Variants in C5 observed in about 807,000 individuals in gnomAD.
The protein encoded by C5 is C3 and PZP-like alpha-2-macroglobulin domain-containing protein 4.
In C5, 140 loss-of-function variants were observed where a neutral mutation model predicts 218.8. The ratio of observed to expected loss-of-function variants is 0.64; its 90% CI spans 0.56 to 0.74. C5 has a LOEUF of 0.74. Among genes scored for constraint, C5 ranks in the 30% least tolerant of loss-of-function variants. The pLI is 0.00. For synonymous variants in C5, 614 were observed against 682.3 expected, an observed-to-expected ratio of 0.90 and a Z score of 1.56; for missense variants, 1,700 against 1,969.6, an observed-to-expected ratio of 0.86 and a Z score of 2.59.
At chr9:121,036,573 AT>A (rs200659597) in intron 4 of C5, among the ~76,000 whole-genome samples, 9 of 148,058 alleles carry the variant, frequency 6.1e-5, no homozygotes, top group African/African-American at 7.3e-5. Context: ...TACTAGCTTC[AT>A]TTTTTTTTAT....
Position 120,980,217 on chromosome 9 carries a change from A to C in C5, c.3524T>G (p.Leu1175Arg). The C allele has an allele frequency of 6.2e-7, 1 of 1,614,236 alleles. No individual in the cohort carries two copies. Among genetic ancestry groups the C allele is most frequent in the Non-Finnish European group, 8.5e-7 (1 of 1,180,044 alleles). The change falls in exon 28 of 41, where the codon CTG (leucine) becomes CGG (arginine). Residue 1175 changes from leucine to arginine, a missense_variant. Leu to Arg is a moderately radical substitution (Grantham distance 102). Transcript: ENST00000223642. The part of the protein sequence containing the change: ...DTALIKADNF[L>R]LENTLPAQST... ...CTGGGCTGGCAGTGTATTTTCAAGC[A>C]GAAAGTTGTCAGCTTTAATTAGAGC... is the stretch of plus-strand genomic sequence containing the variant.
the C5 span, among the ~76,000 whole-genome samples, chr9:121,067,431 G>A: frequency 8.6e-5 from 13 of 151,990 alleles, no homozygotes; most frequent in African/African-American, 3.1e-4. Flanking sequence ...GGGCGTGGTG[G>A]TGCGTGCCCA....
intron 12 of C5, among the ~76,000 whole-genome samples, chr9:121,018,710 A>AGG (rs1385877317): frequency 6.2e-5 from 9 of 144,130 alleles, no homozygotes; most frequent in African/African-American, 1.0e-4. Flanking sequence ...GAAAGAAAGA[A>AGG]AAGAAAGAAA....
chr9:121,001,074 G>A (rs1205935002), intron 20 of C5, among the ~76,000 whole-genome samples: 1 of 152,274 alleles, frequency 6.6e-6, no homozygotes, highest in East Asian at 1.9e-4. Context: ...ACAAGTAGCA[G>A]ATTAAATACC....
chr9:121,042,988 A>G lies in C5; in HGVS notation c.421+16T>C. 6.2e-7 allele frequency: 1 copy of G among 1,603,528 alleles called. No individual in the cohort carries two copies. The highest frequency in any genetic ancestry group is 8.5e-7 in the Non-Finnish European group (1 of 1,170,754). On this transcript the variant is annotated intron_variant, in intron 3 of 40. Transcript: ENST00000223642. The stretch of plus-strand genomic sequence containing the variant: ...TCAAATCCCCCACCCAGAGGAAGAA[A>G]TATCTTATAATCTACCTGACTGGTC...
Position 120,976,799 on chromosome 9 carries a change from T to G in C5, c.3765A>C (p.Leu1255Phe). 1 of 1,614,100 alleles carries G rather than the reference T, an allele frequency of 6.2e-7. No homozygotes were observed. The highest frequency in any genetic ancestry group is 8.5e-7 in the Non-Finnish European group (1 of 1,179,938). ...ARMVETTAYA[L>F]LTSLNLKDIN... is the part of the protein sequence containing the mutation. The stretch of plus-strand genomic sequence containing the variant: ...TATCTTTCAAGTTCAGACTGGTGAG[T>G]AAAGCATAGGCAGTTGTTTCTACCA... The change falls in exon 29 of 41, where the codon TTA becomes TTC. Residue 1255 changes from leucine (L) to phenylalanine (F), a missense_variant. Leu to Phe is a conservative substitution (Grantham distance 22). Coordinates refer to ENST00000223642, the MANE Select transcript of C5 (RefSeq NM_001735.3).
chr9:121,025,664 T>A, intron 8 of C5, 84 bp from the exon 9 acceptor site: 2 of 1,304,464 alleles, frequency 1.5e-6, no homozygotes, highest in African/African-American at 1.5e-5. Flanking sequence ...TACTAACCTC[T>A]AAATTGAAGG....
At chr9:121,072,831 AAG>A in the C5 span, among the ~76,000 whole-genome samples, 4 of 150,944 alleles carry the variant, frequency 2.6e-5, no homozygotes, top group Admixed American at 6.6e-5. Flanking sequence ...AAAAAAAAAA[AAG>A]AAAAGAAAAA....
intron 5 of C5, among the ~76,000 whole-genome samples, chr9:121,034,067 C>T (rs1564161275): frequency 6.6e-6 from 1 of 152,172 alleles, no homozygotes; most frequent in East Asian, 1.9e-4. Flanking sequence ...ATTACAGGTG[C>T]CTGCCACCAC....
chr9:120,957,002 C>T (rs1379154433), intron 39 of C5: 3 of 362,312 alleles, frequency 8.3e-6, no homozygotes, highest in East Asian at 6.8e-5. Flanking sequence ...AATTTGCACA[C>T]GTATCCCCTG....
At chr9:120,972,096 C>A in intron 30 of C5, 104 bp from the exon 31 acceptor site, 1 of 861,458 alleles carries the variant, frequency 1.2e-6, no homozygotes, top group South Asian at 1.4e-5. Context: ...CCTCCTCTCT[C>A]AGAGCTCTTC....
chr9:120,952,365 G>GT lies in C5; in HGVS notation c.*373dup, dbSNP rs2046750457. ...AAGCAAACTCAGGCTTTAATGATCA[G>GT]TTTCCTGTTCCTTGGTATTTTCTTT... On this transcript the variant is annotated 3_prime_UTR_variant, in exon 41 of 41. Transcript: ENST00000223642. 2 of 289,830 alleles carry GT rather than the reference G, an allele frequency of 6.9e-6. No homozygotes were observed. The highest frequency in any genetic ancestry group is 1.3e-5 in the Non-Finnish European group (2 of 148,854). 18.0% of individuals were successfully genotyped at this position (289,830 alleles called of 1,614,324 possible).
Position 121,023,401 on chromosome 9 carries a change from T to C in C5, c.1116+3A>G. The C allele has an allele frequency of 6.4e-7, 1 of 1,567,182 alleles. No homozygotes were observed. The highest frequency in any genetic ancestry group is 8.8e-7 in the Non-Finnish European group (1 of 1,137,266). Reference sequence around the variant, plus strand: ...GCAACGTCTACCCCCTCACCCAATCTACCTTGATGGGATATGGAATCCCAG... The same window carrying C: ...GCAACGTCTACCCCCTCACCCAATCCACCTTGATGGGATATGGAATCCCAG... On this transcript the variant is annotated splice_donor_region_variant and intron_variant, in intron 10 of 40. Transcript: ENST00000223642.
At chr9:120,955,987 T>C (rs575280906) in intron 39 of C5, among the ~76,000 whole-genome samples, 30 of 152,244 alleles carry the variant, frequency 2.0e-4, no homozygotes, top group African/African-American at 7.2e-4. Flanking sequence ...GTCCTACTTA[T>C]TGCAAAATTT....
chr9:121,070,510 TAC>T, the C5 span, among the ~76,000 whole-genome samples: 1 of 149,946 alleles, frequency 6.7e-6, no homozygotes, highest in Admixed American at 6.7e-5. Context: ...CATATATATA[TAC>T]ATACATACTT....
rs554281231 is a variant in C5 at position 120,965,765 on chromosome 9, G to A, written c.4221-2027C>T. Among the ~76,000 whole-genome samples the A allele has an allele frequency of 1.1e-4, 17 of 152,270 alleles. No homozygotes were observed. The East Asian group carries it at 3.3e-3, about 29-fold the overall frequency. ...TAGAAGCAGAGCACTCTTGCTCACA[G>A]ATGCAAACACTTTGTCAGCAGGATG... On this transcript the variant is annotated intron_variant, in intron 33 of 40. Transcript: ENST00000223642.
In C5 at chr9:120,962,783, A is replaced by C; in HGVS notation, c.4399-7T>G. 6.2e-7 allele frequency: 1 copy of C among 1,611,976 alleles called. No homozygotes were observed. Among genetic ancestry groups the C allele is most frequent in the East Asian group, 2.2e-5 (1 of 44,856 alleles). ...GGAAATCACTGGAGGGAATCTGTTT[A>C]ACAAATTCAAGGATTTAAGGAAATT... On this transcript the variant is annotated splice_polypyrimidine_tract_variant and splice_region_variant and intron_variant, in intron 35 of 40. Transcript: ENST00000223642.
chr9:121,021,569 A>T lies in C5; in HGVS notation c.1242T>A (p.Asp414Glu), dbSNP rs370211554. The change falls in exon 11 of 41, where the codon GAT becomes GAA. Residue 414 changes from aspartate to glutamate, a missense_variant. Asp to Glu is a conservative substitution (Grantham distance 45). Coordinates refer to ENST00000223642, the MANE Select transcript of C5 (RefSeq NM_001735.3). ...LDPSKSVTRVDDGVASFVLNL... is the reference protein window; with the variant it reads ...LDPSKSVTRVEDGVASFVLNL... ...TAAGCACAAAGGAAGCTACTCCATCATCAACACGTGTTACACTTTTGCTTG... is the reference window on the plus strand; with the variant it reads ...TAAGCACAAAGGAAGCTACTCCATCTTCAACACGTGTTACACTTTTGCTTG... 8.1e-6 allele frequency: 13 copies of T among 1,614,040 alleles called. No homozygotes were observed. Among genetic ancestry groups the T allele is most frequent in the Non-Finnish European group, 1.1e-5 (13 of 1,179,952 alleles).
intron 8 of C5, among the ~76,000 whole-genome samples, chr9:121,026,193 A>G (rs912703371): frequency 1.3e-5 from 2 of 152,232 alleles, no homozygotes; most frequent in Non-Finnish European, 2.9e-5. Flanking sequence ...AAGATTGTAG[A>G]GGATAAATGA....
Sources: allele counts gnomAD v4.1 joint callset (sites outside exome capture counted in the v4.1 genomes callset), GRCh38; gene constraint gnomAD v4.1.1; transcripts MANE v1.5; gene names NCBI Gene and HGNC (gene_info 2026-07-23, HGNC 2026-07-21).